COL4A6: variants seen among roughly 807,000 people sequenced by gnomAD.
COL4A6 encodes collagen alpha-6(IV) chain.
In COL4A6, 59 loss-of-function variants were observed where a neutral mutation model predicts 126.7. The ratio of observed to expected loss-of-function variants is 0.47; its 90% CI spans 0.38 to 0.58. COL4A6 has a LOEUF of 0.58. Among genes scored for constraint, COL4A6 ranks in the 20% least tolerant of loss-of-function variants. The pLI is 0.00. For synonymous variants in COL4A6, 547 were observed against 496.6 expected (o/e 1.10, Z -1.35); for missense variants, 1,285 against 1,337.3 (o/e 0.96, Z 0.61).
At chrX:108,235,678 C>T (rs762222758) in intron 3 of COL4A6, among the ~76,000 whole-genome samples, 28 of 111,446 alleles carry the variant, frequency 2.5e-4, no homozygotes, top group African/African-American at 9.1e-4. Context: ...ACTTTCACAC[C>T]GTCATCTACT....
intron 3 of COL4A6, among the ~76,000 whole-genome samples, chrX:108,302,021 A>G (rs998986751): frequency 9.0e-6 from 1 of 111,531 alleles, no homozygotes; most frequent in African/African-American, 3.3e-5. Context: ...GCTCCCAGCT[A>G]TTTTAAGTAT....
chrX:108,389,111 T>A (rs940649987), intron 2 of COL4A6, among the ~76,000 whole-genome samples: 2 of 112,006 alleles, frequency 1.8e-5, no homozygotes, highest in Non-Finnish European at 3.8e-5. Flanking sequence ...TCTCTTGCAT[T>A]TGCTAAGGAG....
At chrX:108,401,423 GT>G (rs1028460582) in intron 2 of COL4A6, among the ~76,000 whole-genome samples, 7 of 110,599 alleles carry the variant, frequency 6.3e-5, no homozygotes, top group African/African-American at 2.3e-4. Context: ...GTATAAGGCT[GT>G]TAGGGAGATT....
In COL4A6 at chrX:108,310,753, C is replaced by T; in HGVS notation, c.139G>A (p.Ala47Thr). 2 of 1,208,909 alleles carry T rather than the reference C, an allele frequency of 1.7e-6. No homozygotes were observed. Among genetic ancestry groups the T allele is most frequent in the South Asian group, 1.8e-5 (1 of 56,738 alleles). ...GSCQCFPEKG[A>T]RGRPGPIGIQ... The stretch of plus-strand genomic sequence containing the variant: ...CAATGAAATAAGCAACTTACTCTCG[C>T]TCCTTTCTCAGGAAAACACTGACAG... Residue 47 changes from alanine (A) to threonine (T), a missense_variant, in exon 3 of 45, where the codon GCG (alanine) becomes ACG (threonine). Ala to Thr is a moderately conservative substitution (Grantham distance 58). Coordinates refer to ENST00000334504, the MANE Select transcript of COL4A6 (RefSeq NM_033641.4).
At chrX:108,161,540 G>A in intron 42 of COL4A6, 79 bp downstream of exon 42, 4 of 618,458 alleles carry the variant, frequency 6.5e-6, no homozygotes, top group Non-Finnish European at 1.0e-5. Flanking sequence ...CAGACTTGAA[G>A]TTTTACTCAC....
chrX:108,180,536 C>T lies in COL4A6; in HGVS notation c.2110G>A (p.Val704Ile), dbSNP rs1010540178. The change falls in exon 25 of 45, where the codon GTT becomes ATT. Residue 704 changes from valine (V) to isoleucine (I), a missense_variant. Transcript: ENST00000334504. The part of the protein sequence containing the change: ...SKGEPGSPGL[V>I]HLPELPGFPG... ...TTACCTGGTAATTCAGGAAGATGAA[C>T]CAATCCTGGACTCCCTGGCTCTCCT... 3.3e-6 allele frequency: 4 copies of T among 1,204,698 alleles called. No homozygotes were observed. Among genetic ancestry groups the T allele is most frequent in the Admixed American group, 4.5e-5 (2 of 44,709 alleles).
At chrX:108,227,375 A>AT (rs1270417593) in intron 3 of COL4A6, among the ~76,000 whole-genome samples, 1 of 112,057 alleles carries the variant, frequency 8.9e-6, no homozygotes, top group Non-Finnish European at 1.9e-5. Context: ...TCTGAGCCAA[A>AT]TATGAGTGAC....
chrX:108,377,089 A>T (rs1358797554), intron 2 of COL4A6, among the ~76,000 whole-genome samples: 5 of 112,956 alleles, frequency 4.4e-5, no homozygotes, highest in African/African-American at 1.6e-4. Flanking sequence ...ATGTGGCAAG[A>T]CAATAGGGTA....
chrX:108,377,366 A>T (rs967587122), intron 2 of COL4A6, among the ~76,000 whole-genome samples: 1 of 109,481 alleles, frequency 9.1e-6, no homozygotes, highest in African/African-American at 3.3e-5. Flanking sequence ...TCTTATCTCA[A>T]CTGCAAAGAG....
rs763273338 is a variant in COL4A6, at chrX:108,175,200, G to A, written c.2846C>T (p.Pro949Leu). The A allele has an allele frequency of 7.6e-6, 9 of 1,189,535 alleles. No homozygotes were observed. The highest frequency in any genetic ancestry group is 6.1e-5 in the East Asian group (2 of 32,619). ...TGGACTAGGTATTCCGACTGGCCCCGGATTGCCTCTGTCTCCTGCAGGGAT... is the reference window on the plus strand; with the variant it reads ...TGGACTAGGTATTCCGACTGGCCCCAGATTGCCTCTGTCTCCTGCAGGGAT... ...TPGEKGDRGN[P>L]GPVGIPSPRR... Residue 949 changes from proline to leucine, a missense_variant, in exon 30 of 45, where the codon CCG (proline) becomes CTG (leucine). Coordinates refer to ENST00000334504, the MANE Select transcript of COL4A6 (RefSeq NM_033641.4).
rs765715531 is a variant in COL4A6, at chrX:108,161,634, G to A, written c.4318C>T (p.Pro1440Ser). 47 of 1,152,759 alleles carry A rather than the reference G, an allele frequency of 4.1e-5. No homozygotes were observed. Among genetic ancestry groups the A allele is most frequent in the Non-Finnish European group, 5.4e-5 (47 of 868,470 alleles). ...ATCATCAGACCTTCAAATCCTGGAG[G>A]GCCTTGCAGTCCAGGCAGACCAGGA... ...GDPGLPGLQG[P>S]PGFEGAPGQQ... Residue 1440 changes from proline to serine, a missense_variant, in exon 42 of 45, where the codon CCT becomes TCT. Physicochemically the swap from Pro to Ser is moderately conservative, Grantham distance 74. Transcript: ENST00000334504.
intron 2 of COL4A6, among the ~76,000 whole-genome samples, chrX:108,428,668 G>T (rs749716712): frequency 9.1e-6 from 1 of 110,380 alleles, no homozygotes; most frequent in Non-Finnish European, 1.9e-5. Context: ...TATGACCCCC[G>T]AACCTAAAAT....
Position 108,227,371 on chromosome X carries a change from C to A in COL4A6, c.145-5997G>T, listed in dbSNP as rs146008311. On this transcript the variant is annotated intron_variant, in intron 3 of 44. Transcript: ENST00000334504. ...AATATTTGAAGAGATTTATTCTGAGCCAAATATGAGTGACTAATGGCCCAT... is the reference window on the plus strand; with the variant it reads ...AATATTTGAAGAGATTTATTCTGAGACAAATATGAGTGACTAATGGCCCAT... 1.9e-3 allele frequency among the ~76,000 whole-genome samples: 213 copies of A among 111,688 alleles called. 1 individual carries two copies. The East Asian group carries it at 0.038, about 20-fold the overall frequency.
intron 2 of COL4A6, among the ~76,000 whole-genome samples, chrX:108,326,285 T>C (rs2039154348): frequency 8.9e-6 from 1 of 112,427 alleles, no homozygotes; most frequent in Admixed American, 9.4e-5. Context: ...GAAATAAAAA[T>C]GTCATATGAT....
chrX:108,358,890 G>A (rs1283374276), intron 2 of COL4A6, among the ~76,000 whole-genome samples: 1 of 111,661 alleles, frequency 9.0e-6, no homozygotes, highest in Non-Finnish European at 1.9e-5. Flanking sequence ...GAAATGGAAA[G>A]CTAGGAGTCC....
In COL4A6 at chrX:108,178,831, G is replaced by A. The variant is rs770364687; in HGVS notation, c.2368C>T (p.Pro790Ser). Residue 790 changes from proline to serine, a missense_variant, in exon 27 of 45, where the codon CCT becomes TCT. Physicochemically the swap from Pro to Ser is moderately conservative, Grantham distance 74. Transcript: ENST00000334504. Reference protein sequence around the residue: ...LPGLKGVHGKPGLLGPKGERG... With the variant: ...LPGLKGVHGKSGLLGPKGERG... Reference sequence around the variant, plus strand: ...TCACCTTTGGGGCCTAGTAAGCCAGGCTTCCCGTGCACACCTGATAAAAGA... The same window carrying A: ...TCACCTTTGGGGCCTAGTAAGCCAGACTTCCCGTGCACACCTGATAAAAGA... The A allele has an allele frequency of 9.9e-6, 12 of 1,209,451 alleles. No individual in the cohort carries two copies. The highest frequency in any genetic ancestry group is 3.0e-5 in the East Asian group (1 of 33,796).
Position 108,421,083 on chromosome X carries a change from C to A in COL4A6, c.63+16859G>T, listed in dbSNP as rs1034955414. Among the ~76,000 whole-genome samples the A allele has an allele frequency of 2.7e-5, 3 of 111,903 alleles. No individual in the cohort carries two copies. The Admixed American group carries it at 2.9e-4, about 11-fold the overall frequency. On this transcript the variant is annotated intron_variant, in intron 2 of 44. Transcript: ENST00000334504. The stretch of plus-strand genomic sequence containing the variant: ...CTACAGATTACTGATACTGTCTAAC[C>A]GGAACTACTAGTAGTTATAAGGCTG...
At position 108,170,627 on chromosome X, in the gene COL4A6, C is replaced by T. The variant is rs1358693588; in HGVS notation, c.3475G>A (p.Gly1159Arg). 2 of 1,203,427 alleles carry T rather than the reference C, an allele frequency of 1.7e-6. No homozygotes were observed. Among genetic ancestry groups the T allele is most frequent in the South Asian group, 1.8e-5 (1 of 55,157 alleles). The change falls in exon 35 of 45, where the codon GGA becomes AGA. Residue 1159 changes from glycine (G) to arginine (R), a missense_variant. Transcript: ENST00000334504. ...CACATACCTTTGGGTCCTATTAATC[C>T]GGGGGATCCTAGAGGCCCAATTGCC... ...QGAIGPLGSP[G>R]LIGPKGFPGF...
chrX:108,202,470 A>C (rs964755026), intron 13 of COL4A6, among the ~76,000 whole-genome samples: 1 of 112,095 alleles, frequency 8.9e-6, no homozygotes, highest in Non-Finnish European at 1.9e-5. Flanking sequence ...CAGATATGAA[A>C]GTGGAGGTAG....
Sources: gnomAD v4.1 joint callset for allele counts (sites outside exome capture counted in the v4.1 genomes callset) on GRCh38, gnomAD v4.1.1 for gene constraint, MANE v1.5 for transcripts, NCBI Gene and HGNC (gene_info 2026-07-23, HGNC 2026-07-21) for gene names.